NKAIN2: variants seen among roughly 807,000 people sequenced by gnomAD.
NKAIN2 encodes sodium/potassium-transporting ATPase subunit beta-1-interacting protein 2.
A neutral mutation model predicts 32.6 loss-of-function variants in NKAIN2; 14 were observed. The ratio of observed to expected loss-of-function variants is 0.43; its 90% CI spans 0.28 to 0.67. NKAIN2 has a LOEUF of 0.67. Among genes scored for constraint, NKAIN2 ranks in the 30% least tolerant of loss-of-function variants. NKAIN2 has a pLI of 0.17. For synonymous variants in NKAIN2, 80 were observed against 87.2 expected, an observed-to-expected ratio of 0.92 and a Z score of 0.46; for missense variants, 198 against 258.3, an observed-to-expected ratio of 0.77 and a Z score of 1.60.
intron 3 of NKAIN2, among the ~76,000 whole-genome samples, chr6:124,472,461 C>T (rs540712397): frequency 1.3e-5 from 2 of 152,062 alleles, no homozygotes; most frequent in East Asian, 3.9e-4. Context: ...GTACATAAGC[C>T]ATCTGCTTGT....
intron 1 of NKAIN2, among the ~76,000 whole-genome samples, chr6:124,045,327 A>G (rs1782066424): frequency 6.6e-6 from 1 of 151,980 alleles, no homozygotes; most frequent in African/African-American, 2.4e-5. Flanking sequence ...AGCTGAATAA[A>G]TACTGGTTGA....
chr6:124,080,575 GT>G (rs1212615872), intron 1 of NKAIN2, among the ~76,000 whole-genome samples: 1 of 151,882 alleles, frequency 6.6e-6, no homozygotes, highest in African/African-American at 2.4e-5. Flanking sequence ...AATCCCTTGA[GT>G]TTATATTAGA....
At chr6:124,748,842 A>G (rs1777576447) in intron 4 of NKAIN2, among the ~76,000 whole-genome samples, 1 of 65,486 alleles carries the variant, frequency 1.5e-5, no homozygotes, top group Non-Finnish European at 3.2e-5. Context: ...CTCTGATATT[A>G]ACTTCTAATT....
At chr6:124,755,751 A>G (rs899930908) in intron 4 of NKAIN2, among the ~76,000 whole-genome samples, 1 of 152,134 alleles carries the variant, frequency 6.6e-6, no homozygotes, top group Non-Finnish European at 1.5e-5. Flanking sequence ...AGAAAAAATA[A>G]CTAATGGGCA....
At chr6:124,070,034 A>G (rs895762037) in intron 1 of NKAIN2, among the ~76,000 whole-genome samples, 2 of 152,166 alleles carry the variant, frequency 1.3e-5, no homozygotes, top group East Asian at 3.9e-4. Context: ...TTTTAACCTT[A>G]TTAATTAGTC....
intron 3 of NKAIN2, among the ~76,000 whole-genome samples, chr6:124,410,032 T>C (rs920382658): frequency 2.2e-4 from 33 of 152,224 alleles, no homozygotes; most frequent in African/African-American, 7.7e-4. Flanking sequence ...GTGGGATCGG[T>C]GGTGATATCC....
At chr6:124,135,762 A>G (rs1786748682) in intron 1 of NKAIN2, among the ~76,000 whole-genome samples, 1 of 152,126 alleles carries the variant, frequency 6.6e-6, no homozygotes, top group Non-Finnish European at 1.5e-5. Flanking sequence ...AAAATTAAAT[A>G]AACTGCTGTT....
chr6:124,553,339 C>T (rs894637411), intron 3 of NKAIN2, among the ~76,000 whole-genome samples: 1 of 152,148 alleles, frequency 6.6e-6, no homozygotes, highest in Admixed American at 6.5e-5. Flanking sequence ...CAGAGTTTCG[C>T]TCTTGTTGCT....
At chr6:124,238,303 A>G (rs1324901671) in intron 1 of NKAIN2, among the ~76,000 whole-genome samples, 1 of 152,076 alleles carries the variant, frequency 6.6e-6, no homozygotes, top group Non-Finnish European at 1.5e-5. Flanking sequence ...AAAAATATAT[A>G]ATCTTATACT....
At chr6:124,727,260 T>C (rs1219714207) in intron 4 of NKAIN2, among the ~76,000 whole-genome samples, 1 of 151,808 alleles carries the variant, frequency 6.6e-6, no homozygotes, top group African/African-American at 2.4e-5. Context: ...AATTGTCAGA[T>C]TCACCAAAGT....
At chr6:124,033,024 A>G (rs375941598) in intron 1 of NKAIN2, among the ~76,000 whole-genome samples, 4 of 152,168 alleles carry the variant, frequency 2.6e-5, no homozygotes, top group African/African-American at 9.6e-5. Context: ...CACTTTGGCT[A>G]TTACTGGTAG....
chr6:124,791,215 T>C (rs374289309), intron 4 of NKAIN2, 124 bp from the exon 5 acceptor site: 2 of 587,566 alleles, frequency 3.4e-6, no homozygotes, highest in Non-Finnish European at 6.5e-6. Context: ...TCCAGTCCGA[T>C]GAGCCATGTT....
chr6:124,172,581 A>G lies in NKAIN2; in HGVS notation c.55-110424A>G, dbSNP rs112249458. On this transcript the variant is annotated intron_variant, in intron 1 of 6. Coordinates refer to ENST00000368417, the MANE Select transcript of NKAIN2 (RefSeq NM_001040214.3). ...ATCTGTATATCATTCTTGTGGAAGG[A>G]AGTATATATTCTTGTGGAAGGAAGT... Among the ~76,000 whole-genome samples the G allele has an allele frequency of 2.7e-3, 409 of 152,276 alleles. 2 individuals carry two copies. Among genetic ancestry groups the G allele is most frequent in the African/African-American group, 9.4e-3 (390 of 41,564 alleles).
chr6:123,826,431 TGTG>T (rs1396342360), intron 1 of NKAIN2, among the ~76,000 whole-genome samples: 1 of 152,150 alleles, frequency 6.6e-6, no homozygotes, highest in Non-Finnish European at 1.5e-5. Context: ...ACATTCATAT[TGTG>T]GTGCAACCAT....
intron 3 of NKAIN2, among the ~76,000 whole-genome samples, chr6:124,538,839 C>T (rs889605454): frequency 2.6e-5 from 4 of 152,060 alleles, no homozygotes; most frequent in Non-Finnish European, 4.4e-5. Flanking sequence ...ATTTTTTCCC[C>T]TTTTATTTAA....
intron 1 of NKAIN2, among the ~76,000 whole-genome samples, chr6:124,122,748 T>C (rs1785943142): frequency 6.6e-6 from 1 of 152,136 alleles, no homozygotes; most frequent in Non-Finnish European, 1.5e-5. Context: ...TAAAGTTTAA[T>C]AAGATAGTCC....
chr6:123,939,917 A>G (rs1280988107), intron 1 of NKAIN2, among the ~76,000 whole-genome samples: 1 of 151,896 alleles, frequency 6.6e-6, no homozygotes, highest in Non-Finnish European at 1.5e-5. Context: ...TTTTTATTCA[A>G]CCATTTGCAA....
chr6:124,253,495 A>G (rs574327143), intron 1 of NKAIN2, among the ~76,000 whole-genome samples: 27 of 152,306 alleles, frequency 1.8e-4, no homozygotes, highest in African/African-American at 6.3e-4. Context: ...GTCTCTGCCA[A>G]AATAAAGCAC....
At chr6:124,298,666 A>G (rs1796164398) in intron 2 of NKAIN2, among the ~76,000 whole-genome samples, 1 of 152,220 alleles carries the variant, frequency 6.6e-6, no homozygotes, top group Admixed American at 6.5e-5. Context: ...AATTTTAAAT[A>G]TAGAATGATA....
Sources: gnomAD v4.1 joint callset for allele counts (sites outside exome capture counted in the v4.1 genomes callset) on GRCh38, gnomAD v4.1.1 for gene constraint, MANE v1.5 for transcripts, NCBI Gene and HGNC (gene_info 2026-07-23, HGNC 2026-07-21) for gene names.